The following MANBA variants were observed in gnomAD, a reference collection of about 807,000 sequenced individuals.
The protein encoded by MANBA is mannosidase beta.
Under a neutral mutation model 111.1 loss-of-function variants are expected in MANBA, and 83 were observed. The ratio of observed to expected loss-of-function variants is 0.75; its 90% confidence interval spans 0.63 to 0.90. MANBA has a LOEUF of 0.90. Ranked by LOEUF, MANBA falls within the 40% of genes least tolerant of loss-of-function variation. MANBA has a pLI of 0.00. For missense variants in MANBA, 1,036 were observed against 1,069.0 expected, an observed-to-expected ratio of 0.97 and a Z score of 0.43; for synonymous variants, 370 against 378.7, an observed-to-expected ratio of 0.98 and a Z score of 0.27.
intron 5 of MANBA, among the ~76,000 whole-genome samples, chr4:102,700,236 G>T (rs1426471850): frequency 6.6e-6 from 1 of 151,882 alleles, no homozygotes; most frequent in African/African-American, 2.4e-5. Context: ...GCATCTATTT[G>T]ATTCTTCTCT....
intron 1 of MANBA, among the ~76,000 whole-genome samples, chr4:102,758,873 C>G (rs1475864753): frequency 6.6e-6 from 1 of 152,076 alleles, no homozygotes; most frequent in Non-Finnish European, 1.5e-5. Flanking sequence ...CAAAAGCCTT[C>G]CCATTTCTCA....
chr4:102,667,696 C>T (rs1731289389), intron 10 of MANBA: 1 of 152,124 alleles, frequency 6.6e-6, no homozygotes, highest in Admixed American at 6.5e-5. Context: ...GTTGCAGACT[C>T]ACCATTCAAG....
At chr4:102,697,713 T>C (rs1276326009) in intron 5 of MANBA, among the ~76,000 whole-genome samples, 1 of 150,506 alleles carries the variant, frequency 6.6e-6, no homozygotes, top group Non-Finnish European at 1.5e-5. Context: ...CTGCATAGTA[T>C]TCCATGGTGT....
chr4:102,657,414 A>G (rs1246342667), intron 12 of MANBA, among the ~76,000 whole-genome samples: 1 of 152,246 alleles, frequency 6.6e-6, no homozygotes, highest in Admixed American at 6.5e-5. Context: ...GTAGCAAGTA[A>G]GAGTTATTTC....
intron 1 of MANBA, among the ~76,000 whole-genome samples, chr4:102,759,976 G>A (rs894905965): frequency 6.6e-6 from 1 of 152,216 alleles, no homozygotes; most frequent in African/African-American, 2.4e-5. Flanking sequence ...GTGCAAGAGG[G>A]AACAGCAAAA....
At chr4:102,757,845 T>C (rs1378764445) in intron 1 of MANBA, among the ~76,000 whole-genome samples, 1 of 152,234 alleles carries the variant, frequency 6.6e-6, no homozygotes, top group African/African-American at 2.4e-5. Context: ...GTGTTTCCTA[T>C]GGCTCACAGC....
At chr4:102,746,452 G>A (rs1310740339) in intron 1 of MANBA, among the ~76,000 whole-genome samples, 2 of 152,134 alleles carry the variant, frequency 1.3e-5, no homozygotes, top group Admixed American at 1.3e-4. Context: ...ATGAATCCCT[G>A]AGCTCATCAT....
chr4:102,654,794 G>A (rs907699604), intron 12 of MANBA, among the ~76,000 whole-genome samples: 4 of 152,036 alleles, frequency 2.6e-5, no homozygotes, highest in Non-Finnish European at 4.4e-5. Context: ...AGGATATCTC[G>A]TCTTCCCACT....
intron 9 of MANBA, among the ~76,000 whole-genome samples, chr4:102,670,008 A>G (rs1433693601): frequency 6.6e-6 from 1 of 151,930 alleles, no homozygotes; most frequent in Admixed American, 6.6e-5. Flanking sequence ...TATAAAAATT[A>G]GCCGGGCGTG....
rs940804128 is a variant in MANBA, at chr4:102,726,644, C to T, written c.217G>A (p.Val73Ile). 1.3e-6 allele frequency: 2 copies of T among 1,574,582 alleles called. No homozygotes were observed. Among genetic ancestry groups the T allele is most frequent in the East Asian group, 2.2e-5 (1 of 44,554 alleles). ...CTATAGGTCCAGTTATCCAAAGAGA[C>T]CCATCTGTAGTTAAGGTCATTAAAT... ...YRFNDLNYRW[V>I]SLDNWTYSKE... The change falls in exon 2 of 17, where the codon GTC (valine) becomes ATC (isoleucine). Residue 73 changes from valine (V) to isoleucine (I), a missense_variant. Val to Ile is a conservative substitution (Grantham distance 29). Transcript: ENST00000647097.
At chr4:102,758,880 C>T (rs1482668722) in intron 1 of MANBA, among the ~76,000 whole-genome samples, 1 of 152,112 alleles carries the variant, frequency 6.6e-6, no homozygotes, top group Non-Finnish European at 1.5e-5. Flanking sequence ...CTTCCCATTT[C>T]TCATTCCACT....
chr4:102,653,503 T>C (rs1206399158), intron 12 of MANBA, among the ~76,000 whole-genome samples: 1 of 152,226 alleles, frequency 6.6e-6, no homozygotes, highest in Non-Finnish European at 1.5e-5. Flanking sequence ...TTAATCAAGT[T>C]GTTGAATACA....
chr4:102,717,426 T>A (rs1337757183), intron 4 of MANBA, among the ~76,000 whole-genome samples: 2 of 140,720 alleles, frequency 1.4e-5, no homozygotes, highest in African/African-American at 5.6e-5. Flanking sequence ...GGCAGGAACT[T>A]TTTTTTTTTT....
At chr4:102,655,139 C>T (rs931871403) in intron 12 of MANBA, among the ~76,000 whole-genome samples, 8 of 151,910 alleles carry the variant, frequency 5.3e-5, no homozygotes, top group Non-Finnish European at 8.8e-5. Context: ...ACCAAAGAAG[C>T]GTAAGACTGG....
chr4:102,729,376 G>A (rs1241042596), intron 1 of MANBA: 2 of 805,088 alleles, frequency 2.5e-6, no homozygotes, highest in Non-Finnish European at 4.4e-6. Flanking sequence ...CTCCTCGTAT[G>A]GTGCCTTGAC....
intron 1 of MANBA, chr4:102,728,188 C>T: frequency 1.9e-6 from 1 of 538,844 alleles, no homozygotes. Flanking sequence ...CTATGTGAGG[C>T]TGTTCCAGCT....
intron 7 of MANBA, among the ~76,000 whole-genome samples, chr4:102,689,087 C>T (rs956068694): frequency 1.2e-4 from 18 of 152,098 alleles, no homozygotes; most frequent in Admixed American, 2.0e-4. Context: ...CAGTGGCTCA[C>T]GCCCGTAATC....
intron 11 of MANBA, among the ~76,000 whole-genome samples, chr4:102,663,728 C>T (rs1301061002): frequency 6.6e-6 from 1 of 152,148 alleles, no homozygotes; most frequent in Non-Finnish European, 1.5e-5. Context: ...TTTAAAACAT[C>T]TATTTACAGA....
intron 1 of MANBA, chr4:102,729,663 C>G: frequency 6.7e-7 from 1 of 1,491,866 alleles, no homozygotes. Context: ...CTCCACCAGC[C>G]CGGGCATGTT....
Sources: gnomAD v4.1 joint callset for allele counts (sites outside exome capture counted in the v4.1 genomes callset) on GRCh38, gnomAD v4.1.1 for gene constraint, MANE v1.5 for transcripts, NCBI Gene and HGNC (gene_info 2026-07-23, HGNC 2026-07-21) for gene names.